KIAA1217: variants seen among roughly 807,000 people sequenced by gnomAD.
KIAA1217 encodes the protein KIAA1217.
A neutral mutation model predicts 163.9 loss-of-function variants in KIAA1217; 88 were observed. The observed-to-expected ratio is 0.54, with a 90% CI of 0.45 to 0.64. The LOEUF (loss-of-function observed/expected upper bound fraction) is 0.64, where lower values mean the gene tolerates loss of function less well. Ranked by LOEUF, KIAA1217 falls within the 30% of genes least tolerant of loss-of-function variation. KIAA1217 has a pLI of 0.00. For missense variants in KIAA1217, 2,372 were observed against 2,475.0 expected (o/e 0.96, Z 0.88); for synonymous variants, 903 against 923.1 (o/e 0.98, Z 0.39).
chr10:24,307,887 G>A (rs925843975), intron 2 of KIAA1217, among the ~76,000 whole-genome samples: 1 of 152,216 alleles, frequency 6.6e-6, no homozygotes, highest in African/African-American at 2.4e-5. Flanking sequence ...CCGCATAGCT[G>A]CCAAAATAAC....
At chr10:24,059,679 G>T (rs185378492) in intron 2 of KIAA1217, among the ~76,000 whole-genome samples, 2 of 152,126 alleles carry the variant, frequency 1.3e-5, no homozygotes, top group Admixed American at 1.3e-4. Flanking sequence ...TCGGGTTCAC[G>T]CCATTGTCTT....
intron 10 of KIAA1217, among the ~76,000 whole-genome samples, chr10:24,515,861 C>G (rs955572126): frequency 2.0e-5 from 3 of 152,130 alleles, no homozygotes; most frequent in Non-Finnish European, 4.4e-5. Flanking sequence ...CACTTGGGAC[C>G]AGGAATTCAA....
chr10:24,526,881 T>C (rs1157710711), intron 13 of KIAA1217, among the ~76,000 whole-genome samples: 1 of 152,166 alleles, frequency 6.6e-6, no homozygotes, highest in Non-Finnish European at 1.5e-5. Context: ...GTGGCTATTA[T>C]TTATATGTAA....
At chr10:24,343,657 C>T (rs1379309720) in intron 2 of KIAA1217, among the ~76,000 whole-genome samples, 1 of 152,196 alleles carries the variant, frequency 6.6e-6, no homozygotes, top group Non-Finnish European at 1.5e-5. Context: ...AAGAACTTCC[C>T]TGTCCTAATA....
chr10:24,207,088 C>T (rs550958581), upstream of KIAA1217, among the ~76,000 whole-genome samples: 36 of 152,288 alleles, frequency 2.4e-4, no homozygotes, highest in African/African-American at 5.1e-4. Context: ...TGGCTGCCAA[C>T]GGCTGTGGCA....
chr10:24,338,955 T>G (rs987052204), intron 2 of KIAA1217, among the ~76,000 whole-genome samples: 1 of 152,136 alleles, frequency 6.6e-6, no homozygotes, highest in Non-Finnish European at 1.5e-5. Flanking sequence ...AAATTTCGAG[T>G]CAAAGTGACT....
chr10:23,818,329 AT>A (rs201362604), intron 1 of KIAA1217, among the ~76,000 whole-genome samples: 6 of 131,614 alleles, frequency 4.6e-5, no homozygotes, highest in African/African-American at 1.9e-4. Context: ...CTATATATAT[AT>A]TTTATATATA....
intron 4 of KIAA1217, among the ~76,000 whole-genome samples, chr10:24,436,080 C>T (rs187716224): frequency 3.6e-4 from 54 of 152,034 alleles, no homozygotes; most frequent in African/African-American, 1.1e-3. Context: ...AGGTTTGTCT[C>T]GAACTCCTGA....
intron 7 of KIAA1217, 60 bp from the exon 8 acceptor site, chr10:24,495,084 TTAA>T: frequency 7.3e-6 from 8 of 1,095,828 alleles, no homozygotes; most frequent in Non-Finnish European, 6.6e-6. Flanking sequence ...GGAATGGGCT[TTAA>T]AAAAAAAAAA....
At chr10:24,201,277 C>T (rs1340081353) in intron 2 of KIAA1217, among the ~76,000 whole-genome samples, 1 of 151,962 alleles carries the variant, frequency 6.6e-6, no homozygotes, top group Admixed American at 6.6e-5. Context: ...TCTCAAAAAA[C>T]AAAAAAATTC....
intron 1 of KIAA1217, among the ~76,000 whole-genome samples, chr10:24,002,436 C>T (rs1026834091): frequency 5.3e-5 from 8 of 152,096 alleles, no homozygotes; most frequent in Admixed American, 1.3e-4. Flanking sequence ...AGAGAACTTG[C>T]CTCTCTCCTT....
chr10:23,943,904 A>T (rs1422657473), intron 1 of KIAA1217, among the ~76,000 whole-genome samples: 3 of 152,234 alleles, frequency 2.0e-5, no homozygotes, highest in Non-Finnish European at 4.4e-5. Context: ...AAACTTTTCC[A>T]CCTACTTCAT....
chr10:23,982,090 C>G (rs1476324682), intron 1 of KIAA1217, among the ~76,000 whole-genome samples: 1 of 151,758 alleles, frequency 6.6e-6, no homozygotes, highest in South Asian at 2.1e-4. Flanking sequence ...GCAGAAGCTG[C>G]AGGAAATCTT....
intron 1 of KIAA1217, among the ~76,000 whole-genome samples, chr10:23,854,107 G>T (rs573018566): frequency 6.6e-6 from 1 of 152,124 alleles, no homozygotes; most frequent in Admixed American, 6.6e-5. Context: ...TGTGATGTTA[G>T]GGTGTCAATT....
At chr10:23,727,568 T>G (rs1001134904) in intron 1 of KIAA1217, among the ~76,000 whole-genome samples, 1 of 152,064 alleles carries the variant, frequency 6.6e-6, no homozygotes, top group African/African-American at 2.4e-5. Flanking sequence ...TCAAAAAAAT[T>G]TAAAAAAAAG....
chr10:23,968,847 T>C (rs921684809), intron 1 of KIAA1217, among the ~76,000 whole-genome samples: 3 of 152,232 alleles, frequency 2.0e-5, no homozygotes, highest in East Asian at 1.9e-4. Flanking sequence ...TTGGTAAAGA[T>C]ACACTATATT....
intron 16 of KIAA1217, among the ~76,000 whole-genome samples, chr10:24,535,376 T>C (rs1294813946): frequency 1.3e-5 from 2 of 152,214 alleles, no homozygotes; most frequent in Non-Finnish European, 2.9e-5. Context: ...GAATGTTTAC[T>C]GAGGGAGGAC....
rs540375497 is a variant in KIAA1217, at chr10:24,168,166, C to A, written c.-170-51460C>A. On this transcript the variant is annotated intron_variant, in intron 2 of 18. Coordinates refer to the KIAA1217 transcript ENST00000376462. Reference sequence around the variant, plus strand: ...TGGGGATTGCTAGGGGTATGTGACACAAGGACCTAAAAATTATAAGATTTG... The same window carrying A: ...TGGGGATTGCTAGGGGTATGTGACAAAAGGACCTAAAAATTATAAGATTTG... Among the ~76,000 whole-genome samples the A allele has an allele frequency of 2.0e-5, 3 of 152,210 alleles. 1 individual carries two copies. The South Asian group carries it at 6.2e-4, about 32-fold the overall frequency.
At chr10:24,000,487 G>A (rs1039855703) in intron 1 of KIAA1217, among the ~76,000 whole-genome samples, 2 of 152,196 alleles carry the variant, frequency 1.3e-5, no homozygotes, top group Admixed American at 6.5e-5. Flanking sequence ...CTGCGGAAAC[G>A]TGAGTCAATT....
Sources: gnomAD v4.1 joint callset for allele counts (sites outside exome capture counted in the v4.1 genomes callset) on GRCh38, gnomAD v4.1.1 for gene constraint, MANE v1.5 for transcripts, NCBI Gene and HGNC (gene_info 2026-07-23, HGNC 2026-07-21) for gene names.